The following ATRX variants were observed in gnomAD, a reference collection of about 807,000 sequenced individuals.
ATRX encodes chromatin remodeler ATRX.
Under a neutral mutation model 172.6 loss-of-function variants are expected in ATRX, and 12 were observed. The observed-to-expected ratio is 0.07, with a 90% CI of 0.04 to 0.11. ATRX has a LOEUF of 0.11. ATRX is among the 10% of genes least tolerant of loss of function. The pLI is 1.00. For synonymous variants in ATRX, 674 were observed against 594.7 expected (o/e 1.13, Z -1.94); for missense variants, 1,368 against 1,767.4 (o/e 0.77, Z 4.05).
At chrX:77,538,029 T>C (rs1557049068) in intron 30 of ATRX, among the ~76,000 whole-genome samples, 1 of 110,296 alleles carries the variant, frequency 9.1e-6, no homozygotes, top group Non-Finnish European at 1.9e-5. Context: ...CGCTAGGGAC[T>C]GTCGGGGTGA....
At chrX:77,719,322 C>A (rs2073618711) in intron 1 of ATRX, among the ~76,000 whole-genome samples, 1 of 111,023 alleles carries the variant, frequency 9.0e-6, no homozygotes, top group African/African-American at 3.3e-5. Context: ...GAATATATAC[C>A]AATGGCCAAT....
chrX:77,542,598 T>C (rs1168172896), intron 30 of ATRX, among the ~76,000 whole-genome samples: 2 of 111,744 alleles, frequency 1.8e-5, no homozygotes, highest in Non-Finnish European at 3.8e-5. Context: ...CAAAACAGCA[T>C]GGTACTGGTA....
chrX:77,625,297 G>T (rs1009451754), intron 19 of ATRX, among the ~76,000 whole-genome samples: 11 of 112,455 alleles, frequency 9.8e-5, no homozygotes, highest in African/African-American at 3.2e-4. Flanking sequence ...AATTCTAGAA[G>T]ATGAGATTGG....
rs782282755 is a variant in ATRX, at chrX:77,518,878, G to A, written c.7200+1910C>T. On this transcript the variant is annotated intron_variant, in intron 34 of 34. Coordinates refer to ENST00000373344, the MANE Select transcript of ATRX (RefSeq NM_000489.6). ...ACCAGTAAACTCATTTTTTGCACAG[G>A]TGCCATGAACATGCATTGAAGAAAG... Among the ~76,000 whole-genome samples the A allele has an allele frequency of 3.0e-4, 34 of 111,690 alleles. No individual in the cohort carries two copies. The South Asian group carries it at 0.012, about 41-fold the overall frequency.
chrX:77,537,430 C>T (rs900237304), intron 30 of ATRX, among the ~76,000 whole-genome samples: 4 of 111,892 alleles, frequency 3.6e-5, no homozygotes, highest in African/African-American at 9.7e-5. Flanking sequence ...ATACTCTCTT[C>T]TCTTGGCTGG....
chrX:77,755,264 C>T (rs2075447231), intron 1 of ATRX, among the ~76,000 whole-genome samples: 1 of 112,063 alleles, frequency 8.9e-6, no homozygotes, highest in Admixed American at 9.4e-5. Flanking sequence ...GGCTTCCTTC[C>T]ATTGGATTAG....
intron 15 of ATRX, among the ~76,000 whole-genome samples, chrX:77,646,925 TAAA>T (rs1229860572): frequency 1.1e-5 from 1 of 95,021 alleles, no homozygotes. Context: ...ACTGTGTCTT[TAAA>T]AAAAAAAAAA....
chrX:77,786,193 C>A lies in ATRX; in HGVS notation c.-192G>T. 2.2e-6 allele frequency: 1 copy of A among 460,258 alleles called. No homozygotes were observed. Among genetic ancestry groups the A allele is most frequent in the Non-Finnish European group, 3.6e-6 (1 of 275,806 alleles). The allele number at this position is 460,258 out of a possible 1,213,427, so 37.9% of individuals were successfully genotyped here. A position where few individuals can be genotyped will look rare whatever the true frequency, so the allele number is the denominator to read the frequency against. On this transcript the variant is annotated 5_prime_UTR_variant, in exon 1 of 35. Transcript: ENST00000373344. The stretch of plus-strand genomic sequence containing the variant: ...CCGCGGAAACAAAGCGACACCGCTG[C>A]CGCCGCCATTTTGTTGGGCCGAGGC...
intron 28 of ATRX, among the ~76,000 whole-genome samples, chrX:77,562,932 C>T (rs1206620260): frequency 1.8e-5 from 2 of 112,202 alleles, no homozygotes; most frequent in East Asian, 5.6e-4. Flanking sequence ...AGTGTCAGTT[C>T]AAGTCCTTTG....
intron 15 of ATRX, among the ~76,000 whole-genome samples, chrX:77,645,307 T>G (rs782280635): frequency 9.0e-6 from 1 of 111,066 alleles, no homozygotes; most frequent in Admixed American, 9.6e-5. Context: ...TCCAGATAAT[T>G]TTTTAATTTT....
chrX:77,717,327 T>C (rs782819535), intron 1 of ATRX, 84 bp from the exon 2 acceptor site: 14 of 748,343 alleles, frequency 1.9e-5, no homozygotes, highest in Non-Finnish European at 2.5e-5. Context: ...ACTGAAAATA[T>C]AGCCATACTG....
At chrX:77,587,973 G>A (rs897496732) in intron 27 of ATRX, among the ~76,000 whole-genome samples, 1 of 111,794 alleles carries the variant, frequency 8.9e-6, no homozygotes, top group Non-Finnish European at 1.9e-5. Flanking sequence ...AGATTCTAAG[G>A]TTGATGTTGA....
chrX:77,506,100 G>A lies in ATRX; in HGVS notation c.*2251C>T, dbSNP rs2062701777. The A allele has an allele frequency of 5.8e-6, 1 of 171,656 alleles. No homozygotes were observed. Among genetic ancestry groups the A allele is most frequent in the Non-Finnish European group, 1.1e-5 (1 of 89,093 alleles). 14.1% of individuals were successfully genotyped at this position (171,656 alleles called of 1,213,427 possible). A position where few individuals can be genotyped will look rare whatever the true frequency, so the allele number is the denominator to read the frequency against. Reference sequence around the variant, plus strand: ...AATAAAACAGGTTACAAAATGTGGAGAATTTAGCAGGCAAAACTGTATTAC... The same window carrying A: ...AATAAAACAGGTTACAAAATGTGGAAAATTTAGCAGGCAAAACTGTATTAC... On this transcript the variant is annotated 3_prime_UTR_variant, in exon 35 of 35. Transcript: ENST00000373344.
intron 1 of ATRX, among the ~76,000 whole-genome samples, chrX:77,728,364 G>C (rs2074144368): frequency 1.8e-5 from 2 of 111,719 alleles, no homozygotes; most frequent in Non-Finnish European, 3.8e-5. Context: ...ATAATTCCAA[G>C]TGTTGGCTTA....
intron 15 of ATRX, among the ~76,000 whole-genome samples, chrX:77,637,608 C>T (rs1302053605): frequency 9.1e-6 from 1 of 109,963 alleles, no homozygotes; most frequent in East Asian, 2.8e-4. Context: ...TTTTATGGTT[C>T]CATGAAAAAA....
chrX:77,635,213 A>C (rs1033344089), intron 16 of ATRX, among the ~76,000 whole-genome samples: 1 of 111,587 alleles, frequency 9.0e-6, no homozygotes, highest in Non-Finnish European at 1.9e-5. Flanking sequence ...TGAGGCCAGG[A>C]GGCAGAGATT....
At chrX:77,658,318 T>G (rs781790090) in intron 12 of ATRX, among the ~76,000 whole-genome samples, 4 of 112,354 alleles carry the variant, frequency 3.6e-5, no homozygotes, top group Non-Finnish European at 7.5e-5. Context: ...AATTCGATCA[T>G]GAGAAAACAT....
intron 34 of ATRX, among the ~76,000 whole-genome samples, chrX:77,511,073 T>G (rs1457027902): frequency 8.9e-6 from 1 of 112,461 alleles, no homozygotes; most frequent in Non-Finnish European, 1.9e-5. Context: ...CTCCACCAGC[T>G]TTCCAGACAG....
At chrX:77,710,029 T>A (rs2073033140) in intron 2 of ATRX, among the ~76,000 whole-genome samples, 1 of 110,961 alleles carries the variant, frequency 9.0e-6, no homozygotes, top group South Asian at 3.8e-4. Flanking sequence ...CCAGGCGCGG[T>A]GGCTCACACC....
Sources: gnomAD v4.1 joint callset for allele counts (sites outside exome capture counted in the v4.1 genomes callset) on GRCh38, gnomAD v4.1.1 for gene constraint, MANE v1.5 for transcripts, NCBI Gene and HGNC (gene_info 2026-07-23, HGNC 2026-07-21) for gene names.